Variants in RBMS3 observed in about 807,000 individuals in gnomAD.
The protein encoded by RBMS3 is RNA-binding motif, single-stranded-interacting protein 3.
In RBMS3, 27 loss-of-function variants were observed where a neutral mutation model predicts 66.8. The ratio of observed to expected loss-of-function variants is 0.40; its 90% CI spans 0.30 to 0.56. The LOEUF is 0.56. RBMS3 is among the 20% of genes least tolerant of loss of function. The pLI, the probability that RBMS3 is intolerant of heterozygous loss-of-function variation, is 0.40. For synonymous variants in RBMS3, 188 were observed against 183.0 expected (o/e 1.03, Z -0.22); for missense variants, 513 against 549.5 (o/e 0.93, Z 0.66).
chr3:29,892,686 A>G (rs2060029570), intron 8 of RBMS3, among the ~76,000 whole-genome samples: 1 of 151,518 alleles, frequency 6.6e-6, no homozygotes, highest in Non-Finnish European at 1.5e-5. Context: ...TTTGCAAGGC[A>G]TAATGCATAA....
At chr3:29,329,902 ATATT>A (rs1036827155) in intron 1 of RBMS3, among the ~76,000 whole-genome samples, 27 of 147,920 alleles carry the variant, frequency 1.8e-4, no homozygotes, top group Admixed American at 1.6e-3. Flanking sequence ...ATTAATATAT[ATATT>A]AATATAACTA....
chr3:29,896,833 T>C (rs1170609410), intron 8 of RBMS3, among the ~76,000 whole-genome samples: 2 of 151,628 alleles, frequency 1.3e-5, no homozygotes, highest in Non-Finnish European at 3.0e-5. Context: ...TCTCTGCCAG[T>C]GCCTTGACTT....
chr3:29,570,384 A>G (rs540977946), intron 3 of RBMS3, among the ~76,000 whole-genome samples: 1 of 152,068 alleles, frequency 6.6e-6, no homozygotes, highest in Non-Finnish European at 1.5e-5. Context: ...GACTGTAGTC[A>G]CCCTGTTGTG....
chr3:29,321,821 G>T (rs2035023858), intron 1 of RBMS3, among the ~76,000 whole-genome samples: 1 of 152,100 alleles, frequency 6.6e-6, no homozygotes, highest in African/African-American at 2.4e-5. Flanking sequence ...AACTACTGAA[G>T]TCCTGAGTTA....
At chr3:29,755,345 C>T (rs1220556297) in intron 5 of RBMS3, among the ~76,000 whole-genome samples, 1 of 152,174 alleles carries the variant, frequency 6.6e-6, no homozygotes, top group Non-Finnish European at 1.5e-5. Context: ...AACTTTATCT[C>T]TTACATGCTT....
chr3:29,473,387 C>A (rs1053011428), intron 2 of RBMS3, among the ~76,000 whole-genome samples: 1 of 152,252 alleles, frequency 6.6e-6, no homozygotes, highest in African/African-American at 2.4e-5. Context: ...AAACCCTTAG[C>A]TAGACATAAA....
At chr3:29,862,220 A>T (rs1190956694) in intron 6 of RBMS3, among the ~76,000 whole-genome samples, 1 of 152,154 alleles carries the variant, frequency 6.6e-6, no homozygotes, top group African/African-American at 2.4e-5. Context: ...TAAAATATAG[A>T]TTTTGATATA....
intron 3 of RBMS3, among the ~76,000 whole-genome samples, chr3:29,577,114 G>T (rs191709035): frequency 1.3e-5 from 2 of 152,170 alleles, no homozygotes; most frequent in Non-Finnish European, 2.9e-5. Flanking sequence ...TCTTTAGTCA[G>T]CAGGTTATGA....
chr3:29,358,872 C>T (rs1378091604), intron 1 of RBMS3, among the ~76,000 whole-genome samples: 2 of 152,142 alleles, frequency 1.3e-5, no homozygotes, highest in Non-Finnish European at 2.9e-5. Flanking sequence ...TGTAAGAATG[C>T]TTGTGATTTT....
At chr3:29,686,563 T>C (rs1383438645) in intron 4 of RBMS3, among the ~76,000 whole-genome samples, 1 of 152,092 alleles carries the variant, frequency 6.6e-6, no homozygotes, top group Non-Finnish European at 1.5e-5. Context: ...CATGCCCCAC[T>C]AGTCCCAGCT....
intron 2 of RBMS3, among the ~76,000 whole-genome samples, chr3:29,464,678 A>G (rs979460724): frequency 6.6e-6 from 1 of 152,178 alleles, no homozygotes; most frequent in African/African-American, 2.4e-5. Flanking sequence ...CAGGTGATTG[A>G]TGAACATCAC....
chr3:29,876,977 A>G (rs1246826366), intron 7 of RBMS3, among the ~76,000 whole-genome samples: 12 of 152,208 alleles, frequency 7.9e-5, no homozygotes, highest in African/African-American at 2.9e-4. Flanking sequence ...AGCAATCCTC[A>G]TAACACAATG....
chr3:29,897,414 G>A lies in RBMS3; in HGVS notation c.827G>A (p.Arg276His), dbSNP rs745458478. 15 of 1,610,888 alleles carry A rather than the reference G, an allele frequency of 9.3e-6. No individual in the cohort carries two copies. The highest frequency in any genetic ancestry group is 1.6e-4 in the Middle Eastern group (1 of 6,062). Residue 276 changes from arginine to histidine, a missense_variant, in exon 9 of 15, where the codon CGC (arginine) becomes CAC (histidine). Coordinates refer to ENST00000383767, the MANE Select transcript of RBMS3 (RefSeq NM_001003793.3). ...TCACCGTACAGTATTGCAACCAACC[G>A]CATGATTCCACAGACATCTATCACG... ...YSSPYSIATN[R>H]MIPQTSITPF...
intron 4 of RBMS3, among the ~76,000 whole-genome samples, chr3:29,711,219 CA>C (rs1413587326): frequency 6.6e-6 from 1 of 152,174 alleles, no homozygotes; most frequent in African/African-American, 2.4e-5. Flanking sequence ...ATCCCTCTCT[CA>C]AAAGGTCTTA....
chr3:29,807,351 T>G (rs2057587897), intron 6 of RBMS3, among the ~76,000 whole-genome samples: 1 of 151,858 alleles, frequency 6.6e-6, no homozygotes, highest in Non-Finnish European at 1.5e-5. Flanking sequence ...ATAAACAAAA[T>G]AAAATCAAAC....
intron 4 of RBMS3, among the ~76,000 whole-genome samples, chr3:29,686,879 T>C (rs2051756162): frequency 6.6e-6 from 1 of 152,170 alleles, no homozygotes; most frequent in African/African-American, 2.4e-5. Flanking sequence ...AACCTTAGGA[T>C]TGTCAGAAAT....
At chr3:29,517,314 TATATA>T (rs1487953720) in intron 3 of RBMS3, among the ~76,000 whole-genome samples, 2 of 137,116 alleles carry the variant, frequency 1.5e-5, no homozygotes, top group Non-Finnish European at 3.0e-5. Flanking sequence ...TGTGTATATA[TATATA>T]TTTTTTTTTT....
At chr3:29,361,561 A>G (rs575687703) in intron 1 of RBMS3, among the ~76,000 whole-genome samples, 8 of 152,132 alleles carry the variant, frequency 5.3e-5, no homozygotes, top group African/African-American at 1.9e-4. Flanking sequence ...TCTTTGTGGC[A>G]TTCTCTGTAT....
chr3:29,496,489 T>C (rs2043758911), intron 3 of RBMS3, among the ~76,000 whole-genome samples: 1 of 152,186 alleles, frequency 6.6e-6, no homozygotes, highest in South Asian at 2.1e-4. Flanking sequence ...AATTGTCCTG[T>C]AGGTACATTT....
Sources: allele counts gnomAD v4.1 joint callset (sites outside exome capture counted in the v4.1 genomes callset), GRCh38; gene constraint gnomAD v4.1.1; transcripts MANE v1.5; gene names NCBI Gene and HGNC (gene_info 2026-07-23, HGNC 2026-07-21).